Variants in TRIM24 observed in about 807,000 individuals in gnomAD.
TRIM24 encodes transcription intermediary factor 1-alpha.
Under a neutral mutation model 123.9 loss-of-function variants are expected in TRIM24, and 29 were observed. The observed-to-expected ratio is 0.23, with a 90% CI of 0.17 to 0.32. The LOEUF (loss-of-function observed/expected upper bound fraction) is 0.32. TRIM24 is among the 10% of genes least tolerant of loss of function. TRIM24 has a pLI of 1.00. For missense variants in TRIM24, 932 were observed against 1,295.3 expected, an observed-to-expected ratio of 0.72 and a Z score of 4.31; for synonymous variants, 456 against 461.1, an observed-to-expected ratio of 0.99 and a Z score of 0.14.
intron 1 of TRIM24, among the ~76,000 whole-genome samples, chr7:138,471,306 A>G (rs1795267761): frequency 6.6e-6 from 1 of 152,198 alleles, no homozygotes; most frequent in South Asian, 2.1e-4. Context: ...GCACTGTAGT[A>G]TATGTACAGT....
At chr7:138,528,996 G>T (rs905791251) in intron 5 of TRIM24, 120 bp from the exon 6 acceptor site, 6 of 456,878 alleles carry the variant, frequency 1.3e-5, no homozygotes, top group African/African-American at 1.2e-4. Context: ...TAAAGTGAAG[G>T]ACTCAGAAAT....
Position 138,585,855 on chromosome 7 carries a change from G to C in TRIM24, c.*904G>C. The C allele has an allele frequency of 1.9e-6, 1 of 519,052 alleles. No individual in the cohort carries two copies. The highest frequency in any genetic ancestry group is 1.4e-5 in the South Asian group (1 of 71,568). The allele number at this position is 519,052 out of a possible 1,614,324, so 32.2% of individuals were successfully genotyped here. ...CAGCGTGCACTGTATTTGATGTGAG[G>C]GTTCTTCATCATATACCCTACTGGG... On this transcript the variant is annotated 3_prime_UTR_variant, in exon 19 of 19. Transcript: ENST00000343526.
intron 1 of TRIM24, among the ~76,000 whole-genome samples, chr7:138,484,519 A>G (rs1371256482): frequency 6.6e-6 from 1 of 152,056 alleles, no homozygotes; most frequent in African/African-American, 2.4e-5. Flanking sequence ...TAATAGTAAA[A>G]TAAACTTTCC....
rs566956423 is a variant in TRIM24 at position 138,585,249 on chromosome 7, G to C, written c.*298G>C. ...ACAAAGACATTCTTCCCACTTCTTG[G>C]ATTTTTAAACCACAGTCTGGAGTGA... On this transcript the variant is annotated 3_prime_UTR_variant, in exon 19 of 19. Coordinates refer to ENST00000343526, the MANE Select transcript of TRIM24 (RefSeq NM_015905.3). 7.1e-6 allele frequency: 2 copies of C among 279,882 alleles called. No individual in the cohort carries two copies. The highest frequency in any genetic ancestry group is 1.3e-5 in the Non-Finnish European group (2 of 150,152). 17.3% of individuals were successfully genotyped at this position (279,882 alleles called of 1,614,324 possible). A position where few individuals can be genotyped will look rare whatever the true frequency, so the allele number is the denominator to read the frequency against.
At chr7:138,507,456 G>A (rs996440847) in intron 2 of TRIM24, among the ~76,000 whole-genome samples, 2 of 150,112 alleles carry the variant, frequency 1.3e-5, no homozygotes, top group Non-Finnish European at 2.9e-5. Flanking sequence ...AGTCTCCCAA[G>A]TAGCTGGGAT....
At chr7:138,478,162 G>A (rs902627600) in intron 1 of TRIM24, among the ~76,000 whole-genome samples, 2 of 152,256 alleles carry the variant, frequency 1.3e-5, no homozygotes, top group Non-Finnish European at 2.9e-5. Context: ...AGAAATAAAT[G>A]TCAGGAGGAT....
chr7:138,481,074 C>T (rs1158724450), intron 1 of TRIM24, among the ~76,000 whole-genome samples: 1 of 151,998 alleles, frequency 6.6e-6, no homozygotes, highest in East Asian at 1.9e-4. Flanking sequence ...CTTGCTGCAA[C>T]CTCTGACCCC....
At chr7:138,484,202 C>T (rs543451086) in intron 1 of TRIM24, among the ~76,000 whole-genome samples, 7 of 151,964 alleles carry the variant, frequency 4.6e-5, no homozygotes, top group South Asian at 2.1e-4. Flanking sequence ...CTCCGCCTCC[C>T]GGGTTCAAGT....
At chr7:138,461,064 C>A in intron 1 of TRIM24, 152 bp downstream of exon 1, 1 of 848,210 alleles carries the variant, frequency 1.2e-6, no homozygotes, top group Non-Finnish European at 1.9e-6. Flanking sequence ...GCGACGGTGA[C>A]ATGGAGGGCC....
At chr7:138,540,109 C>A (rs1048480119) in intron 7 of TRIM24, among the ~76,000 whole-genome samples, 9 of 152,088 alleles carry the variant, frequency 5.9e-5, no homozygotes, top group Non-Finnish European at 1.2e-4. Flanking sequence ...TTAAAGAATA[C>A]TTTATTGCCA....
chr7:138,513,638 G>A (rs1216828480), intron 2 of TRIM24, among the ~76,000 whole-genome samples: 16 of 151,980 alleles, frequency 1.1e-4, no homozygotes, highest in Non-Finnish European at 8.8e-5. Flanking sequence ...ACAGCACCAA[G>A]GGGGAAATCA....
chr7:138,545,828 G>A (rs1343386135), intron 7 of TRIM24, among the ~76,000 whole-genome samples: 1 of 152,082 alleles, frequency 6.6e-6, no homozygotes, highest in Non-Finnish European at 1.5e-5. Context: ...CTCCCACTGG[G>A]AAAACCAAGA....
At chr7:138,464,001 T>A in intron 1 of TRIM24, among the ~76,000 whole-genome samples, 1 of 106,088 alleles carries the variant, frequency 9.4e-6, no homozygotes, top group African/African-American at 3.8e-5. Flanking sequence ...TTTTTTTTTT[T>A]TTTTTTTTTT....
At chr7:138,479,315 A>T (rs961544272) in intron 1 of TRIM24, among the ~76,000 whole-genome samples, 1 of 152,068 alleles carries the variant, frequency 6.6e-6, no homozygotes, top group African/African-American at 2.4e-5. Context: ...TGTCTGCTAT[A>T]TTTTTATCAC....
At chr7:138,527,272 T>C (rs2116580696) in intron 5 of TRIM24, among the ~76,000 whole-genome samples, 1 of 152,366 alleles carries the variant, frequency 6.6e-6, no homozygotes, top group Non-Finnish European at 1.5e-5. Context: ...TTTTTATAAA[T>C]GATTTGTGCT....
chr7:138,495,167 A>G (rs1795875864), intron 1 of TRIM24, among the ~76,000 whole-genome samples: 1 of 152,202 alleles, frequency 6.6e-6, no homozygotes, highest in Non-Finnish European at 1.5e-5. Context: ...AGTAGGGCAA[A>G]TGGAATTGAG....
intron 1 of TRIM24, among the ~76,000 whole-genome samples, chr7:138,463,172 G>A (rs1298892388): frequency 1.3e-5 from 2 of 149,356 alleles, no homozygotes; most frequent in African/African-American, 4.9e-5. Flanking sequence ...TTACAAGTGT[G>A]AGCCACCGCA....
At chr7:138,563,763 C>T (rs1265454276) in intron 9 of TRIM24, among the ~76,000 whole-genome samples, 1 of 152,234 alleles carries the variant, frequency 6.6e-6, no homozygotes, top group Non-Finnish European at 1.5e-5. Flanking sequence ...CTAGGGCTCT[C>T]ATCAGCTCCT....
intron 2 of TRIM24, among the ~76,000 whole-genome samples, chr7:138,508,693 G>GTGTGTGTGTGCGCA (rs1563038780): frequency 1.1e-4 from 3 of 27,830 alleles, no homozygotes; most frequent in African/African-American, 3.3e-4. Context: ...GTGTGTGTGT[G>GTGTGTGTGTGCGCA]CGCGCGCGTG....
Sources: gnomAD v4.1 joint callset for allele counts (sites outside exome capture counted in the v4.1 genomes callset) on GRCh38, gnomAD v4.1.1 for gene constraint, MANE v1.5 for transcripts, NCBI Gene and HGNC (gene_info 2026-07-23, HGNC 2026-07-21) for gene names.